Variants in MSI2 observed in about 807,000 individuals in gnomAD.
MSI2 encodes musashi RNA binding protein 2, also known as RNA-binding protein Musashi homolog 2.
In MSI2, 17 loss-of-function variants were observed where a neutral mutation model predicts 45.6. The ratio of observed to expected loss-of-function variants is 0.37; its 90% CI spans 0.26 to 0.56. The LOEUF (loss-of-function observed/expected upper bound fraction) is 0.56, where lower values mean the gene tolerates loss of function less well. MSI2 is among the 20% of genes least tolerant of loss of function. MSI2 has a pLI of 0.77. For missense variants in MSI2, 293 were observed against 444.2 expected (o/e 0.66, Z 3.06); for synonymous variants, 156 against 158.2 (o/e 0.99, Z 0.11).
the MSI2 span, among the ~76,000 whole-genome samples, chr17:57,698,207 C>T: frequency 6.6e-6 from 1 of 152,220 alleles, no homozygotes; most frequent in Admixed American, 6.5e-5. Flanking sequence ...TTCCTGTCTC[C>T]ACCCTCTCTC....
intron 8 of MSI2, among the ~76,000 whole-genome samples, chr17:57,609,800 C>T (rs1907047708): frequency 1.3e-5 from 2 of 152,320 alleles, no homozygotes; most frequent in South Asian, 4.1e-4. Context: ...TCCAGCACCT[C>T]CTCTGAAAGC....
intron 6 of MSI2, among the ~76,000 whole-genome samples, chr17:57,527,356 G>A (rs2086724746): frequency 6.7e-6 from 1 of 148,626 alleles, no homozygotes; most frequent in Non-Finnish European, 1.5e-5. Flanking sequence ...ATGCTCGAGT[G>A]TGACTGCTCT....
In MSI2 at chr17:57,341,417, C is replaced by T. The variant is rs374013977; in HGVS notation, c.313-59962C>T. On this transcript the variant is annotated intron_variant, in intron 5 of 13. Transcript: ENST00000284073. ...TAAAGTGGGGAAAAACCAAACAGTG[C>T]CTGAGTGAGAACTGGAGTTGGGTAC... Among the ~76,000 whole-genome samples, 14 of 152,274 alleles carry T rather than the reference C, an allele frequency of 9.2e-5. 3 individuals carry two copies. The highest frequency in any genetic ancestry group is 1.3e-4 in the Admixed American group (2 of 15,298).
chr17:57,472,410 GAGT>G (rs2085455050), intron 6 of MSI2, among the ~76,000 whole-genome samples: 1 of 152,094 alleles, frequency 6.6e-6, no homozygotes, highest in Non-Finnish European at 1.5e-5. Flanking sequence ...CTTAGTGAAG[GAGT>G]AGTGACTGGG....
chr17:57,289,871 G>A (rs1276383434), intron 5 of MSI2, among the ~76,000 whole-genome samples: 1 of 152,272 alleles, frequency 6.6e-6, no homozygotes, highest in Non-Finnish European at 1.5e-5. Flanking sequence ...ACAGAACTGT[G>A]TGTTGCCGGC....
chr17:57,607,154 TA>T (rs1331799188), intron 8 of MSI2, among the ~76,000 whole-genome samples: 1 of 152,238 alleles, frequency 6.6e-6, no homozygotes, highest in Non-Finnish European at 1.5e-5. Flanking sequence ...TTATATCCAT[TA>T]TGTGTATATG....
At chr17:57,527,586 C>G (rs1019087061) in intron 6 of MSI2, among the ~76,000 whole-genome samples, 1 of 152,244 alleles carries the variant, frequency 6.6e-6, no homozygotes, top group East Asian at 1.9e-4. Flanking sequence ...GGGCAGCTGC[C>G]TGCTGGAGGA....
At chr17:57,483,456 A>G (rs2085689374) in intron 6 of MSI2, among the ~76,000 whole-genome samples, 1 of 152,104 alleles carries the variant, frequency 6.6e-6, no homozygotes, top group African/African-American at 2.4e-5. Flanking sequence ...GCGCCCCCCA[A>G]ATTCACATTT....
chr17:57,420,621 G>A (rs746013797), intron 6 of MSI2, among the ~76,000 whole-genome samples: 17 of 152,156 alleles, frequency 1.1e-4, no homozygotes, highest in Non-Finnish European at 2.4e-4. Flanking sequence ...CCAGCACCCC[G>A]TGGGCCCTTC....
At chr17:57,341,220 C>G (rs1369605676) in intron 5 of MSI2, among the ~76,000 whole-genome samples, 2 of 152,130 alleles carry the variant, frequency 1.3e-5, no homozygotes, top group Non-Finnish European at 1.5e-5. Context: ...TCAGTGTGGC[C>G]CCAGCATCAC....
At chr17:57,396,413 C>CACACACA (rs113923945) in intron 5 of MSI2, among the ~76,000 whole-genome samples, 6 of 150,186 alleles carry the variant, frequency 4.0e-5, no homozygotes, top group African/African-American at 1.5e-4. Flanking sequence ...AGCACACACA[C>CACACACA]CACACACACA....
At chr17:57,689,954 A>C in the MSI2 span, among the ~76,000 whole-genome samples, 1 of 152,178 alleles carries the variant, frequency 6.6e-6, no homozygotes, top group African/African-American at 2.4e-5. Flanking sequence ...ATAAACATTC[A>C]TGGACAGGTT....
upstream of MSI2, among the ~76,000 whole-genome samples, chr17:57,256,301 C>T (rs567652786): frequency 6.6e-6 from 1 of 151,648 alleles, no homozygotes; most frequent in Non-Finnish European, 1.5e-5. Context: ...CCGCGGGGTT[C>T]GCGCGCCACC....
intron 10 of MSI2, among the ~76,000 whole-genome samples, chr17:57,650,391 C>T (rs1399750316): frequency 6.6e-6 from 1 of 152,214 alleles, no homozygotes; most frequent in Admixed American, 6.5e-5. Context: ...AGAGAAATAA[C>T]TTGACTTCTT....
chr17:57,655,848 C>T (rs1169417471), intron 11 of MSI2, among the ~76,000 whole-genome samples: 1 of 152,200 alleles, frequency 6.6e-6, no homozygotes, highest in African/African-American at 2.4e-5. Context: ...AAGAAACAAA[C>T]TCATATCCAA....
chr17:57,495,314 C>T (rs2085954299), intron 6 of MSI2, among the ~76,000 whole-genome samples: 1 of 152,088 alleles, frequency 6.6e-6, no homozygotes, highest in South Asian at 2.1e-4. Context: ...AGGCGGATCA[C>T]CTGAAGTCAG....
At chr17:57,262,252 A>G (rs577350868) in intron 5 of MSI2, 60 bp downstream of exon 5, 3 of 1,563,400 alleles carry the variant, frequency 1.9e-6, no homozygotes, top group Admixed American at 1.7e-5. Context: ...AAGAATTTCA[A>G]ATTTCAAACA....
intron 8 of MSI2, among the ~76,000 whole-genome samples, chr17:57,603,579 A>G (rs781206984): frequency 2.8e-4 from 42 of 152,194 alleles, no homozygotes; most frequent in Non-Finnish European, 1.8e-4. Context: ...CCTTGAAGGA[A>G]TCAGCCCTTG....
intron 13 of MSI2, among the ~76,000 whole-genome samples, chr17:57,678,163 C>T (rs1332760079): frequency 2.6e-5 from 4 of 152,172 alleles, no homozygotes; most frequent in South Asian, 2.1e-4. Context: ...GCTCCTGAGT[C>T]GGACCAGGTG....
Sources: allele counts gnomAD v4.1 joint callset (sites outside exome capture counted in the v4.1 genomes callset), GRCh38; gene constraint gnomAD v4.1.1; transcripts MANE v1.5; gene names NCBI Gene and HGNC (gene_info 2026-07-23, HGNC 2026-07-21).